Variants in ENPP2 observed in about 807,000 individuals in gnomAD.
ENPP2 encodes the protein ectonucleotide pyrophosphatase/phosphodiesterase 2.
A neutral mutation model predicts 120.2 loss-of-function variants in ENPP2; 51 were observed. That is an observed-to-expected ratio of 0.42 (90% CI 0.34 to 0.54). The LOEUF is 0.54. Ranked by LOEUF, ENPP2 falls within the 20% of genes least tolerant of loss-of-function variation. The pLI is 0.04. For missense variants in ENPP2, 920 were observed against 1,066.5 expected (o/e 0.86, Z 1.91); for synonymous variants, 365 against 366.4 (o/e 1.00, Z 0.04).
At position 119,596,117 on chromosome 8, in the gene ENPP2, C is replaced by A. The variant is rs532944504; in HGVS notation, c.973-2257G>T. Reference sequence around the variant, plus strand: ...CAGAGTCTCAGAATAACTAAGGCTCCTTAAGTGAGAAAAAATTGGAATGAG... The same window carrying A: ...CAGAGTCTCAGAATAACTAAGGCTCATTAAGTGAGAAAAAATTGGAATGAG... On this transcript the variant is annotated intron_variant, in intron 11 of 24. Coordinates refer to ENST00000075322, the MANE Select transcript of ENPP2 (RefSeq NM_001040092.3). 6.5e-6 allele frequency: 6 copies of A among 921,846 alleles called. No individual in the cohort carries two copies. The Admixed American group carries it at 1.1e-4, about 17-fold the overall frequency. 57.1% of individuals were successfully genotyped at this position (921,846 alleles called of 1,614,324 possible).
chr8:119,640,872 G>T (rs933965625), upstream of ENPP2, among the ~76,000 whole-genome samples: 45 of 151,988 alleles, frequency 3.0e-4, no homozygotes, highest in African/African-American at 1.0e-3. Flanking sequence ...TCAGCCTCCC[G>T]AGTAGCTGGG....
intron 21 of ENPP2, among the ~76,000 whole-genome samples, chr8:119,568,802 T>A (rs1248014631): frequency 6.6e-6 from 1 of 152,188 alleles, no homozygotes; most frequent in Non-Finnish European, 1.5e-5. Flanking sequence ...TCTTGCTATG[T>A]TGTCCAGGCT....
At chr8:119,589,493 C>A (rs183427880) in intron 13 of ENPP2, among the ~76,000 whole-genome samples, 88 of 152,102 alleles carry the variant, frequency 5.8e-4, no homozygotes, top group African/African-American at 1.8e-3. Context: ...TAGAGAAAAT[C>A]TTTTTTGCAT....
Position 119,572,346 on chromosome 8 carries a change from C to A in ENPP2, c.1781-1505G>T. On this transcript the variant is annotated intron_variant, in intron 19 of 24. Transcript: ENST00000075322. The stretch of plus-strand genomic sequence containing the variant: ...ACACACAGTCCTCCAAACTCAAATT[C>A]AAGCTTGGCATCTAATCGATTCCAT... 17 of 910,544 alleles carry A rather than the reference C, an allele frequency of 1.9e-5. No individual in the cohort carries two copies. The South Asian group carries it at 2.4e-4, about 13-fold the overall frequency. 56.4% of individuals were successfully genotyped at this position (910,544 alleles called of 1,614,324 possible). A position where few individuals can be genotyped will look rare whatever the true frequency, so the allele number is the denominator to read the frequency against.
chr8:119,579,205 A>T (rs145421308), intron 19 of ENPP2, among the ~76,000 whole-genome samples: 1 of 152,328 alleles, frequency 6.6e-6, no homozygotes, highest in African/African-American at 2.4e-5. Flanking sequence ...AAGAGCCTGC[A>T]TGGTAGATTG....
intron 20 of ENPP2, among the ~76,000 whole-genome samples, chr8:119,569,808 G>A (rs768342719): frequency 6.7e-6 from 1 of 150,224 alleles, no homozygotes; most frequent in Non-Finnish European, 1.5e-5. Flanking sequence ...TGTGTACACA[G>A]TACAAATCAA....
upstream of ENPP2, among the ~76,000 whole-genome samples, chr8:119,640,910 C>T (rs993370190): frequency 1.3e-5 from 2 of 152,022 alleles, no homozygotes; most frequent in South Asian, 4.1e-4. Flanking sequence ...ACACGCCTGG[C>T]TAATTTTTGT....
intron 1 of ENPP2, among the ~76,000 whole-genome samples, chr8:119,657,309 A>C (rs991775845): frequency 6.6e-6 from 1 of 152,218 alleles, no homozygotes; most frequent in African/African-American, 2.4e-5. Context: ...TGGTAGAGAA[A>C]TGATTTAAAC....
At chr8:119,614,354 C>A (rs1815320903) in intron 8 of ENPP2, among the ~76,000 whole-genome samples, 1 of 152,080 alleles carries the variant, frequency 6.6e-6, no homozygotes, top group Non-Finnish European at 1.5e-5. Context: ...CATGAGCCAC[C>A]ACGCCCGGCC....
At chr8:119,642,965 CCA>C (rs1817326587), upstream of ENPP2, among the ~76,000 whole-genome samples, 1 of 151,986 alleles carries the variant, frequency 6.6e-6, no homozygotes, top group Non-Finnish European at 1.5e-5. Context: ...GTATCTACAC[CCA>C]GAGTTTCTCA....
intron 19 of ENPP2, among the ~76,000 whole-genome samples, chr8:119,579,657 T>G (rs1168239043): frequency 6.6e-6 from 1 of 152,062 alleles, no homozygotes; most frequent in Non-Finnish European, 1.5e-5. Context: ...GGGCTTGAGA[T>G]GATCCTTCAT....
At position 119,673,187 on chromosome 8, in the gene ENPP2, GA is replaced by G. The variant is rs1034870329; in HGVS notation, c.21+64del. 108 of 1,367,002 alleles carry G rather than the reference GA, an allele frequency of 7.9e-5. No individual in the cohort carries two copies. In the African/African-American group the frequency reaches 1.4e-3, roughly 18 times the overall value. 84.7% of individuals were successfully genotyped at this position (1,367,002 alleles called of 1,614,324 possible). On this transcript the variant is annotated intron_variant, in intron 1 of 25. Transcript: ENST00000427067. ...CTTTGCAAGGTTTTTCTGCTTGACAGAATGGCAGCTGTGACCTGGGAGCCCA... is the reference window on the plus strand; with the variant it reads ...CTTTGCAAGGTTTTTCTGCTTGACAGATGGCAGCTGTGACCTGGGAGCCCA...
chr8:119,653,365 T>C (rs867632095), intron 1 of ENPP2, among the ~76,000 whole-genome samples: 6 of 152,108 alleles, frequency 3.9e-5, no homozygotes, highest in South Asian at 2.1e-4. Flanking sequence ...AAGTAGCTGA[T>C]AAACGATAAA....
chr8:119,649,118 G>C (rs898685243), intron 1 of ENPP2, among the ~76,000 whole-genome samples: 2 of 152,036 alleles, frequency 1.3e-5, no homozygotes, highest in Non-Finnish European at 2.9e-5. Flanking sequence ...TTATGGCCGG[G>C]CACGGTGGCT....
At chr8:119,597,507 C>G (rs562964380) in intron 11 of ENPP2, among the ~76,000 whole-genome samples, 1 of 152,304 alleles carries the variant, frequency 6.6e-6, no homozygotes, top group African/African-American at 2.4e-5. Flanking sequence ...TAAGTTTTCA[C>G]TGACCAGCCA....
chr8:119,673,135 G>C, intron 1 of ENPP2: 2 of 848,948 alleles, frequency 2.4e-6, no homozygotes, highest in Non-Finnish European at 3.8e-6. Context: ...GCCCAACAGG[G>C]ACTGCTTTCC....
rs557895493 is a variant in ENPP2 at position 119,590,842 on chromosome 8, CT to C, written c.1082-213del. ...CTAGACTTTTACTTAGCCATATCAT[CT>C]TGCAAGCACTAGAAGGTTGAAAGTG... On this transcript the variant is annotated intron_variant, in intron 12 of 24. Coordinates refer to ENST00000075322, the MANE Select transcript of ENPP2 (RefSeq NM_001040092.3). 6.6e-5 allele frequency among the ~76,000 whole-genome samples: 10 copies of C among 152,136 alleles called. No individual in the cohort carries two copies. In the South Asian group the frequency reaches 2.1e-3, roughly 32 times the overall value.
intron 2 of ENPP2, among the ~76,000 whole-genome samples, chr8:119,634,850 C>G (rs1316856448): frequency 6.6e-6 from 1 of 152,138 alleles, no homozygotes; most frequent in South Asian, 2.1e-4. Flanking sequence ...ATAGAGGAGT[C>G]TCTACAGTTT....
Position 119,583,742 on chromosome 8 carries a change from G to T in ENPP2, c.1518C>A (p.Asn506Lys). Residue 506 changes from asparagine (N) to lysine (K), a missense_variant, in exon 17 of 25, where the codon AAC becomes AAA. Transcript: ENST00000075322. ...KYKTKVPPFENIELYNVMCDL... is the reference protein window; with the variant it reads ...KYKTKVPPFEKIELYNVMCDL... ...CACACATAACATTGTAAAGTTCAAT[G>T]TTTTCAAATGGAGGCACTTTAGTCT... 6.3e-7 allele frequency: 1 copy of T among 1,590,084 alleles called. No individual in the cohort carries two copies. The highest frequency in any genetic ancestry group is 8.6e-7 in the Non-Finnish European group (1 of 1,159,076).
Sources: allele counts gnomAD v4.1 joint callset (sites outside exome capture counted in the v4.1 genomes callset), GRCh38; gene constraint gnomAD v4.1.1; transcripts MANE v1.5; gene names NCBI Gene and HGNC (gene_info 2026-07-23, HGNC 2026-07-21).